The following CCDC170 variants were observed in gnomAD, a reference collection of about 807,000 sequenced individuals.
CCDC170 encodes the protein coiled-coil domain containing 170.
A neutral mutation model predicts 72.6 loss-of-function variants in CCDC170; 69 were observed. The observed-to-expected ratio is 0.95, with a 90% CI of 0.78 to 1.16. CCDC170 has a LOEUF of 1.16. Ranked by LOEUF, CCDC170 falls within the 50% of genes most tolerant of loss-of-function variation. The pLI, the probability that CCDC170 is intolerant of heterozygous loss-of-function variation, is 0.00. For missense variants in CCDC170, 852 were observed against 832.5 expected (o/e 1.02, Z -0.29); for synonymous variants, 300 against 303.9 (o/e 0.99, Z 0.13).
intron 3 of CCDC170, 40 bp from the exon 4 acceptor site, chr6:151,544,532 A>G (rs1412055486): frequency 1.9e-6 from 3 of 1,576,392 alleles, no homozygotes; most frequent in South Asian, 1.1e-5. Flanking sequence ...GTTATCTTCC[A>G]TGGTGTTAAA....
chr6:151,515,022 C>T (rs1419882172), intron 1 of CCDC170, among the ~76,000 whole-genome samples: 9 of 152,208 alleles, frequency 5.9e-5, no homozygotes, highest in Non-Finnish European at 1.3e-4. Flanking sequence ...ATGAGGAATG[C>T]ACTCTTAATA....
chr6:151,542,358 C>T (rs1298136087), intron 3 of CCDC170, among the ~76,000 whole-genome samples: 1 of 151,968 alleles, frequency 6.6e-6, no homozygotes, highest in South Asian at 2.1e-4. Flanking sequence ...GTAGCTGAGA[C>T]CACAGGTGCA....
rs527413209 is a variant in CCDC170, at chr6:151,578,467, C to T, written c.1092+4976C>T. Among the ~76,000 whole-genome samples, 47 of 152,226 alleles carry T rather than the reference C, an allele frequency of 3.1e-4. No homozygotes were observed. In the South Asian group the frequency reaches 6.4e-3, roughly 21 times the overall value. Reference sequence around the variant, plus strand: ...TCACATTGCCTTCCTCTATGCATGTCGGTCTTCGTGTCCAAATTTCCCCTC... The same window carrying T: ...TCACATTGCCTTCCTCTATGCATGTTGGTCTTCGTGTCCAAATTTCCCCTC... On this transcript the variant is annotated intron_variant, in intron 6 of 10. Transcript: ENST00000239374.
At chr6:151,582,721 G>C (rs1189490727) in intron 6 of CCDC170, among the ~76,000 whole-genome samples, 2 of 152,156 alleles carry the variant, frequency 1.3e-5, no homozygotes, top group African/African-American at 4.8e-5. Context: ...AGATGAAGGG[G>C]AGCAGGCATC....
At chr6:151,556,137 T>A (rs1782970240) in intron 5 of CCDC170, among the ~76,000 whole-genome samples, 1 of 152,160 alleles carries the variant, frequency 6.6e-6, no homozygotes. Context: ...ATTCTCTTTT[T>A]TAGTTCTTTT....
At chr6:151,563,591 G>C (rs1216114933) in intron 5 of CCDC170, among the ~76,000 whole-genome samples, 1 of 152,154 alleles carries the variant, frequency 6.6e-6, no homozygotes, top group Non-Finnish European at 1.5e-5. Context: ...GGGCAGGGCT[G>C]TTTCCCACTA....
Position 151,548,316 on chromosome 6 carries a change from C to A in CCDC170, c.601C>A (p.Arg201Ser), listed in dbSNP as rs200402314. ...EDLILKLRDL[R>S]KENEFVKGQI... is the part of the protein sequence containing the mutation. ...GCTTTCTCTTCAGCTTAGAGACCTG[C>A]GCAAAGAAAATGAATTCGTGAAAGG... Residue 201 changes from arginine (R) to serine (S), a missense_variant, in exon 5 of 11, where the codon CGC becomes AGC. Arg to Ser is a moderately radical substitution (Grantham distance 110, BLOSUM62 -1). Transcript: ENST00000239374. 3.2e-4 allele frequency: 511 copies of A among 1,587,128 alleles called. No homozygotes were observed. The highest frequency in any genetic ancestry group is 4.1e-4 in the Non-Finnish European group (476 of 1,166,146).
intron 1 of CCDC170, among the ~76,000 whole-genome samples, chr6:151,524,173 C>T (rs1487076118): frequency 6.6e-6 from 1 of 152,196 alleles, no homozygotes; most frequent in African/African-American, 2.4e-5. Context: ...CTTTGTTCTC[C>T]TTACTATGCA....
intron 9 of CCDC170, among the ~76,000 whole-genome samples, chr6:151,612,069 G>A (rs990744372): frequency 6.6e-6 from 1 of 152,112 alleles, no homozygotes; most frequent in Admixed American, 6.6e-5. Context: ...TCAATTTAGT[G>A]ATATCACACA....
At chr6:151,587,929 G>A (rs1229336628) in intron 7 of CCDC170, among the ~76,000 whole-genome samples, 1 of 152,108 alleles carries the variant, frequency 6.6e-6, no homozygotes, top group Non-Finnish European at 1.5e-5. Flanking sequence ...AGGCAGAAGA[G>A]GTGGGAAGGA....
intron 7 of CCDC170, 164 bp from the exon 8 acceptor site, chr6:151,592,943 T>G (rs1583041979): frequency 1.4e-6 from 1 of 694,292 alleles, no homozygotes. Flanking sequence ...GGCAGGGTGG[T>G]TCAGGAATTT....
rs1776915388 is a variant in CCDC170, at chr6:151,613,882, T to C, written c.1711-1561T>C. Among the ~76,000 whole-genome samples the C allele has an allele frequency of 3.3e-5, 5 of 152,326 alleles. No homozygotes were observed. The South Asian group carries it at 1.0e-3, about 32-fold the overall frequency. On this transcript the variant is annotated intron_variant, in intron 9 of 10. Transcript: ENST00000239374. Reference sequence around the variant, plus strand: ...GGAATGGAATTGCTGGGTCATGTGGTAATTCTATGTTTAATATTTTAAAAA... The same window carrying C: ...GGAATGGAATTGCTGGGTCATGTGGCAATTCTATGTTTAATATTTTAAAAA...
chr6:151,606,360 T>C (rs764386406), intron 9 of CCDC170, among the ~76,000 whole-genome samples: 2 of 152,250 alleles, frequency 1.3e-5, no homozygotes, highest in South Asian at 2.1e-4. Flanking sequence ...ATTTTCTTCT[T>C]AATTTCTTCC....
At chr6:151,570,600 A>G (rs1254872289) in intron 5 of CCDC170, among the ~76,000 whole-genome samples, 1 of 152,214 alleles carries the variant, frequency 6.6e-6, no homozygotes, top group Non-Finnish European at 1.5e-5. Context: ...TTTATATGGG[A>G]GACTTGAGCA....
rs764925820 is a variant in CCDC170, at chr6:151,573,267, G to A, written c.868G>A (p.Ala290Thr). The A allele has an allele frequency of 8.7e-6, 14 of 1,614,176 alleles. No individual in the cohort carries two copies. In the Admixed American group the frequency reaches 2.0e-4, roughly 23 times the overall value. ...GCTTGCTGGCCAGCAGGTCTGGGAT[G>A]CCTCAAAGCAGGAAGTGAGCCTCCT... is the stretch of plus-strand genomic sequence containing the variant. Reference protein sequence around the residue: ...RLLAGQQVWDASKQEVSLLKK... With the variant: ...RLLAGQQVWDTSKQEVSLLKK... Residue 290 changes from alanine (A) to threonine (T), a missense_variant, in exon 6 of 11, where the codon GCC (alanine) becomes ACC (threonine). Physicochemically the swap from Ala to Thr is moderately conservative, Grantham distance 58. Transcript: ENST00000239374.
At chr6:151,496,678 C>T (rs1361034938) in intron 1 of CCDC170, among the ~76,000 whole-genome samples, 1 of 152,176 alleles carries the variant, frequency 6.6e-6, no homozygotes, top group African/African-American at 2.4e-5. Context: ...CAGTGATAGT[C>T]TGCAACTTTC....
At chr6:151,616,781 G>T (rs1416042087) in intron 10 of CCDC170, among the ~76,000 whole-genome samples, 1 of 152,132 alleles carries the variant, frequency 6.6e-6, no homozygotes, top group Non-Finnish European at 1.5e-5. Context: ...CAGCTTCCTG[G>T]TTCAGAGTCA....
chr6:151,521,015 C>T (rs1400188013), intron 1 of CCDC170, among the ~76,000 whole-genome samples: 4 of 152,120 alleles, frequency 2.6e-5, no homozygotes, highest in Non-Finnish European at 4.4e-5. Context: ...AGGCAGCAGG[C>T]AAGGTGAACC....
intron 1 of CCDC170, among the ~76,000 whole-genome samples, chr6:151,497,488 T>A (rs1210329439): frequency 1.3e-5 from 2 of 152,190 alleles, no homozygotes; most frequent in Non-Finnish European, 2.9e-5. Flanking sequence ...CTTCTCAAGT[T>A]GGATTTACCT....
Sources: allele counts gnomAD v4.1 joint callset (sites outside exome capture counted in the v4.1 genomes callset), GRCh38; gene constraint gnomAD v4.1.1; transcripts MANE v1.5; gene names NCBI Gene and HGNC (gene_info 2026-07-23, HGNC 2026-07-21).